Variants in EDN1 observed in about 807,000 individuals in gnomAD.
EDN1 encodes the protein endothelin-1.
A neutral mutation model predicts 21.7 loss-of-function variants in EDN1; 11 were observed. The ratio of observed to expected loss-of-function variants is 0.51; its 90% CI spans 0.32 to 0.84. EDN1 has a LOEUF of 0.84. Ranked by LOEUF, EDN1 falls within the 40% of genes least tolerant of loss-of-function variation. The pLI, the probability that EDN1 is intolerant of heterozygous loss-of-function variation, is 0.03. For synonymous variants in EDN1, 85 were observed against 90.6 expected (o/e 0.94, Z 0.35); for missense variants, 244 against 262.3 (o/e 0.93, Z 0.48).
chr6:12,241,934 G>T, the EDN1 span, among the ~76,000 whole-genome samples: 2 of 152,216 alleles, frequency 1.3e-5, no homozygotes, highest in Non-Finnish European at 2.9e-5. Context: ...TGCTGTGCAG[G>T]CTGCACCCAT....
upstream of EDN1, among the ~76,000 whole-genome samples, chr6:12,288,713 A>C (rs1762607048): frequency 1.3e-5 from 2 of 152,120 alleles, no homozygotes; most frequent in Non-Finnish European, 2.9e-5. Flanking sequence ...ACTTCGAGGG[A>C]GGTCTGGGGA....
the EDN1 span, among the ~76,000 whole-genome samples, chr6:12,284,776 A>G: frequency 6.6e-6 from 1 of 151,862 alleles, no homozygotes; most frequent in African/African-American, 2.4e-5. Context: ...AGAAAGAAAG[A>G]AAGAAAGAAA....
chr6:12,257,775 G>A, the EDN1 span, among the ~76,000 whole-genome samples: 3 of 152,064 alleles, frequency 2.0e-5, no homozygotes, highest in African/African-American at 4.8e-5. Context: ...TTTTGGAACC[G>A]GTTTGTCATG....
At chr6:12,287,292 G>A (rs1425624597), upstream of EDN1, among the ~76,000 whole-genome samples, 2 of 151,980 alleles carry the variant, frequency 1.3e-5, no homozygotes, top group Admixed American at 1.3e-4. Context: ...GGGGTGGGGT[G>A]GGGCTATGAA....
chr6:12,257,153 C>A, the EDN1 span, among the ~76,000 whole-genome samples: 4 of 152,292 alleles, frequency 2.6e-5, no homozygotes, highest in East Asian at 7.7e-4. Flanking sequence ...ATCTGAGTCT[C>A]CAAGGCCAGA....
At chr6:12,257,198 A>AC in the EDN1 span, among the ~76,000 whole-genome samples, 1 of 152,352 alleles carries the variant, frequency 6.6e-6, no homozygotes, top group African/African-American at 2.4e-5. Flanking sequence ...ATTTATGCAA[A>AC]CTGACAATTG....
the EDN1 span, among the ~76,000 whole-genome samples, chr6:12,251,041 T>C: frequency 2.0e-5 from 3 of 152,220 alleles, no homozygotes; most frequent in Non-Finnish European, 4.4e-5. Context: ...TCTAAAATTA[T>C]GGCAAGTATA....
the EDN1 span, among the ~76,000 whole-genome samples, chr6:12,266,912 TG>T: frequency 6.6e-6 from 1 of 152,238 alleles, no homozygotes; most frequent in Non-Finnish European, 1.5e-5. Context: ...AATTCTTTTT[TG>T]TTAATGCAAT....
At chr6:12,295,900 T>G (rs887466451) in intron 4 of EDN1, 62 bp from the exon 5 acceptor site, 2 of 1,547,598 alleles carry the variant, frequency 1.3e-6, no homozygotes, top group African/African-American at 2.8e-5. Context: ...TTTACATGTT[T>G]CTTTTGCCAA....
At chr6:12,245,485 A>C in the EDN1 span, among the ~76,000 whole-genome samples, 11 of 152,214 alleles carry the variant, frequency 7.2e-5, no homozygotes, top group Admixed American at 5.9e-4. Flanking sequence ...GAGTGTTCCA[A>C]GTAACTGAAA....
chr6:12,244,653 T>C, the EDN1 span, among the ~76,000 whole-genome samples: 5 of 152,330 alleles, frequency 3.3e-5, no homozygotes, highest in East Asian at 1.9e-4. Context: ...CTACAACTCA[T>C]AGCAAGTGTG....
chr6:12,242,759 C>A, the EDN1 span, among the ~76,000 whole-genome samples: 1 of 151,990 alleles, frequency 6.6e-6, no homozygotes, highest in South Asian at 2.1e-4. Flanking sequence ...TTTGACTACA[C>A]TGACCTTTCT....
the EDN1 span, among the ~76,000 whole-genome samples, chr6:12,246,658 T>TC: frequency 2.4e-5 from 3 of 122,614 alleles, no homozygotes; most frequent in Non-Finnish European, 5.3e-5. Context: ...TGCCTTTTTT[T>TC]TTCTCCCTCG....
the EDN1 span, among the ~76,000 whole-genome samples, chr6:12,252,447 G>A: frequency 6.6e-6 from 1 of 152,210 alleles, no homozygotes; most frequent in African/African-American, 2.4e-5. Flanking sequence ...CCCTTGCCAT[G>A]TTAACTGTCC....
the EDN1 span, among the ~76,000 whole-genome samples, chr6:12,246,651 C>CTTTTTTT: frequency 6.7e-6 from 1 of 149,508 alleles, no homozygotes. Context: ...AATCGTTTGC[C>CTTTTTTT]TTTTTTTTTC....
the EDN1 span, among the ~76,000 whole-genome samples, chr6:12,264,435 A>G: frequency 1.3e-5 from 2 of 152,228 alleles, no homozygotes; most frequent in South Asian, 4.1e-4. Flanking sequence ...GAGCAGATAT[A>G]TAAGAGAATA....
chr6:12,233,457 A>G, the EDN1 span, among the ~76,000 whole-genome samples: 1 of 152,230 alleles, frequency 6.6e-6, no homozygotes, highest in South Asian at 2.1e-4. Flanking sequence ...GCCCAAGGTC[A>G]TGTCCAGGTA....
In EDN1 at chr6:12,296,206, C is replaced by G; in HGVS notation, c.*139C>G. 2.6e-6 allele frequency: 2 copies of G among 761,688 alleles called. No homozygotes were observed. Among genetic ancestry groups the G allele is most frequent in the South Asian group, 2.8e-5 (2 of 70,966 alleles). The allele number at this position is 761,688 out of a possible 1,614,324, so 47.2% of individuals were successfully genotyped here. A position where few individuals can be genotyped will look rare whatever the true frequency, so the allele number is the denominator to read the frequency against. On this transcript the variant is annotated 3_prime_UTR_variant, in exon 5 of 5. Transcript: ENST00000379375. ...CTGGCAAAGGACCAGCGTCCTCGTT[C>G]AAAACATTCCAAGAAAGGTTAAGGA...
intron 4 of EDN1, among the ~76,000 whole-genome samples, chr6:12,295,393 G>A (rs1452281090): frequency 6.6e-6 from 1 of 151,808 alleles, no homozygotes; most frequent in African/African-American, 2.4e-5. Flanking sequence ...GAACTAACCT[G>A]GAATTTTTTA....
Sources: allele counts gnomAD v4.1 joint callset (sites outside exome capture counted in the v4.1 genomes callset), GRCh38; gene constraint gnomAD v4.1.1; transcripts MANE v1.5; gene names NCBI Gene and HGNC (gene_info 2026-07-23, HGNC 2026-07-21).